REV3L: variants seen among roughly 807,000 people sequenced by gnomAD.
REV3L encodes REV3 like, DNA directed polymerase zeta catalytic subunit, also known as DNA polymerase zeta catalytic subunit.
REV3L carries 69 observed loss-of-function variants against 299.4 expected under a neutral mutation model. The ratio of observed to expected loss-of-function variants is 0.23; its 90% CI spans 0.19 to 0.28. The LOEUF (loss-of-function observed/expected upper bound fraction) is 0.28, where lower values mean the gene tolerates loss of function less well. Ranked by LOEUF, REV3L falls within the 10% of genes least tolerant of loss-of-function variation. The probability of loss-of-function intolerance (pLI) is 1.00; values close to 1 mark genes in which losing one functional copy is unlikely to be tolerated. For missense variants in REV3L, 3,128 were observed against 3,693.8 expected, an observed-to-expected ratio of 0.85 and a Z score of 3.97; for synonymous variants, 1,238 against 1,271.4, an observed-to-expected ratio of 0.97 and a Z score of 0.56.
At chr6:111,399,698 A>G (rs1782890424) in intron 4 of REV3L, among the ~76,000 whole-genome samples, 1 of 151,976 alleles carries the variant, frequency 6.6e-6, no homozygotes, top group African/African-American at 2.4e-5. Flanking sequence ...TTTGGCAAGA[A>G]TATCACACAG....
At chr6:111,475,142 T>C (rs1251429043) in intron 1 of REV3L, among the ~76,000 whole-genome samples, 1 of 40,418 alleles carries the variant, frequency 2.5e-5, no homozygotes, top group Non-Finnish European at 4.0e-5. Flanking sequence ...TGCCTCTTGC[T>C]TTTTTTCCTC....
chr6:111,438,027 T>TA (rs369327225), intron 1 of REV3L, among the ~76,000 whole-genome samples: 3 of 150,160 alleles, frequency 2.0e-5, no homozygotes, highest in Non-Finnish European at 3.0e-5. Flanking sequence ...TTTTTTTTTT[T>TA]ATTTTTATTT....
rs1020248606 is a variant in REV3L, at chr6:111,444,436, A to T, written c.140-27964T>A. Among the ~76,000 whole-genome samples, 15 of 152,320 alleles carry T rather than the reference A, an allele frequency of 9.8e-5. No individual in the cohort carries two copies. The East Asian group carries it at 2.9e-3, about 29-fold the overall frequency. ...AAATGGCCACAAATACCACAAATTA[A>T]AAGACAAAGACCTGAAAGAGATGTT... is the stretch of plus-strand genomic sequence containing the variant. On this transcript the variant is annotated intron_variant, in intron 1 of 31. Transcript: ENST00000368802.
chr6:111,396,582 T>A (rs1782538097), intron 4 of REV3L, among the ~76,000 whole-genome samples: 1 of 152,182 alleles, frequency 6.6e-6, no homozygotes, highest in African/African-American at 2.4e-5. Context: ...TTTTTCTTTC[T>A]AAGTATGGCA....
At chr6:111,383,725 C>T (rs1214281314) in intron 9 of REV3L, among the ~76,000 whole-genome samples, 1 of 151,790 alleles carries the variant, frequency 6.6e-6, no homozygotes, top group Non-Finnish European at 1.5e-5. Flanking sequence ...TATCAAAATA[C>T]CAATGATATT....
At chr6:111,371,245 G>T (rs1383893956) in intron 13 of REV3L, among the ~76,000 whole-genome samples, 1 of 152,136 alleles carries the variant, frequency 6.6e-6, no homozygotes, top group Non-Finnish European at 1.5e-5. Flanking sequence ...ACCCAATTTA[G>T]CTTTCATCAG....
intron 1 of REV3L, among the ~76,000 whole-genome samples, chr6:111,440,617 A>G (rs1178808912): frequency 6.6e-6 from 1 of 152,166 alleles, no homozygotes; most frequent in Non-Finnish European, 1.5e-5. Flanking sequence ...ATTATTTTGA[A>G]CAGTTACCTA....
At chr6:111,400,740 C>T (rs1783003476) in intron 4 of REV3L, among the ~76,000 whole-genome samples, 1 of 152,086 alleles carries the variant, frequency 6.6e-6, no homozygotes, top group African/African-American at 2.4e-5. Context: ...TTTCTCTTTT[C>T]ATGGATCATG....
intron 1 of REV3L, among the ~76,000 whole-genome samples, chr6:111,453,450 A>G (rs925730677): frequency 8.5e-5 from 13 of 152,192 alleles, no homozygotes; most frequent in Admixed American, 7.2e-4. Context: ...TATCTATAAC[A>G]TAAGATACAC....
chr6:111,342,512 C>CA (rs1776610925), intron 21 of REV3L, among the ~76,000 whole-genome samples: 1 of 151,972 alleles, frequency 6.6e-6, no homozygotes, highest in South Asian at 2.1e-4. Context: ...ACTAAAAATA[C>CA]AAAAAATTAG....
At chr6:111,399,810 C>T (rs892947718) in intron 4 of REV3L, among the ~76,000 whole-genome samples, 2 of 152,120 alleles carry the variant, frequency 1.3e-5, no homozygotes, top group African/African-American at 2.4e-5. Flanking sequence ...AGGTACATCA[C>T]GTGGTTATAG....
intron 1 of REV3L, chr6:111,431,301 C>G: frequency 8.0e-7 from 1 of 1,249,204 alleles, no homozygotes; most frequent in Non-Finnish European, 1.2e-6. Flanking sequence ...ACTAGGACAC[C>G]TGACACAGCA....
rs770787403 is a variant in REV3L at position 111,367,968 on chromosome 6, A to G, written c.5820T>C (p.Phe1940=). 1.2e-6 allele frequency: 2 copies of G among 1,613,712 alleles called. No individual in the cohort carries two copies. The highest frequency in any genetic ancestry group is 8.5e-7 in the Non-Finnish European group (1 of 1,179,896). Residue 1940 remains phenylalanine, a synonymous_variant, in exon 14 of 32, where the codon TTT becomes TTC. Transcript: ENST00000368802. The stretch of plus-strand genomic sequence containing the variant: ...GTCCTTCCAAGGAAAAGTCTCCCTC[A>G]AACTCAGCCAGATCATTTGCAAGTC... ...ETRLANDLAE[F]EGDFSLEGLR...
At position 111,367,350 on chromosome 6, in the gene REV3L, T is replaced by C. The variant is rs141628406; in HGVS notation, c.6438A>G (p.Ser2146=). ...ATGAAGGCAGCTCCTCTACTGGTGATGAGGGTCTATCATCTCCATTTAATG... is the reference window on the plus strand; with the variant it reads ...ATGAAGGCAGCTCCTCTACTGGTGACGAGGGTCTATCATCTCCATTTAATG... The part of the protein sequence containing the change: ...SKALNGDDRP[S]SPVEELPSLA... The change falls in exon 14 of 32, where the codon TCA becomes TCG. Residue 2146 remains serine, a synonymous_variant. Coordinates refer to ENST00000368802, the MANE Select transcript of REV3L (RefSeq NM_001372078.1). 7.7e-5 allele frequency: 124 copies of C among 1,606,734 alleles called. No individual in the cohort carries two copies. Among genetic ancestry groups the C allele is most frequent in the Non-Finnish European group, 1.0e-4 (121 of 1,177,342 alleles).
chr6:111,480,890 A>C (rs1405277477), intron 1 of REV3L, among the ~76,000 whole-genome samples: 6 of 149,704 alleles, frequency 4.0e-5, no homozygotes, highest in African/African-American at 1.5e-4. Context: ...ATGTCCATGA[A>C]GGATTAAATA....
intron 5 of REV3L, among the ~76,000 whole-genome samples, chr6:111,392,204 G>A (rs1201298087): frequency 2.6e-5 from 4 of 152,196 alleles, no homozygotes; most frequent in Non-Finnish European, 5.9e-5. Flanking sequence ...TAATCTCACA[G>A]TAGAAATTTA....
At chr6:111,355,164 G>A (rs779314929) in intron 18 of REV3L, among the ~76,000 whole-genome samples, 4 of 151,964 alleles carry the variant, frequency 2.6e-5, no homozygotes, top group East Asian at 1.9e-4. Context: ...ATTACTTTTC[G>A]TGTTTGTCAC....
At chr6:111,336,129 C>T (rs1582570186) in intron 21 of REV3L, among the ~76,000 whole-genome samples, 2 of 151,154 alleles carry the variant, frequency 1.3e-5, no homozygotes. Context: ...TGAGATAATA[C>T]ATGGGTTAAA....
chr6:111,337,391 TTA>T (rs1382359518), intron 21 of REV3L, among the ~76,000 whole-genome samples: 3 of 152,172 alleles, frequency 2.0e-5, no homozygotes, highest in African/African-American at 4.8e-5. Flanking sequence ...CTCCCCATAT[TTA>T]TGTTTTGTAG....
Sources: gnomAD v4.1 joint callset for allele counts (sites outside exome capture counted in the v4.1 genomes callset) on GRCh38, gnomAD v4.1.1 for gene constraint, MANE v1.5 for transcripts, NCBI Gene and HGNC (gene_info 2026-07-23, HGNC 2026-07-21) for gene names.